Variants in RHBDL3 observed in about 807,000 individuals in gnomAD.
RHBDL3 encodes the protein rhomboid like 3.
Under a neutral mutation model 48.2 loss-of-function variants are expected in RHBDL3, and 28 were observed. That is an observed-to-expected ratio of 0.58 (90% confidence interval 0.43 to 0.80). The LOEUF is 0.80. Ranked by LOEUF, RHBDL3 falls within the 30% of genes least tolerant of loss-of-function variation. The probability of loss-of-function intolerance (pLI) is 0.00; values close to 1 mark genes in which losing one functional copy is unlikely to be tolerated. For missense variants in RHBDL3, 464 were observed against 542.7 expected (o/e 0.85, Z 1.44); for synonymous variants, 208 against 232.3 (o/e 0.90, Z 0.95).
Position 32,271,454 on chromosome 17 carries a change from G to A in RHBDL3, c.135+3529G>A, listed in dbSNP as rs144125936. Reference sequence around the variant, plus strand: ...GTTTCTGAAAAGCTTCCCTTTTTCGGGTTATGCTTTGATAGTCTTATTCTC... The same window carrying A: ...GTTTCTGAAAAGCTTCCCTTTTTCGAGTTATGCTTTGATAGTCTTATTCTC... On this transcript the variant is annotated intron_variant, in intron 2 of 8. Transcript: ENST00000269051. Among the ~76,000 whole-genome samples, 6 of 152,184 alleles carry A rather than the reference G, an allele frequency of 3.9e-5. No individual in the cohort carries two copies. The East Asian group carries it at 7.7e-4, about 20-fold the overall frequency.
intron 7 of RHBDL3, among the ~76,000 whole-genome samples, chr17:32,307,535 A>G (rs2040740009): frequency 6.6e-6 from 1 of 152,130 alleles, no homozygotes; most frequent in African/African-American, 2.4e-5. Context: ...GAGGGAGGGG[A>G]AAAGAAAGGA....
intron 7 of RHBDL3, among the ~76,000 whole-genome samples, chr17:32,313,714 G>T (rs1308800271): frequency 1.4e-5 from 2 of 141,190 alleles, no homozygotes; most frequent in African/African-American, 2.6e-5. Flanking sequence ...GGTCCTCCAG[G>T]TTTATTCATG....
At chr17:32,274,978 C>T (rs2039861450) in intron 2 of RHBDL3, among the ~76,000 whole-genome samples, 1 of 152,146 alleles carries the variant, frequency 6.6e-6, no homozygotes, top group Non-Finnish European at 1.5e-5. Context: ...CACCCTTTAT[C>T]CTTCCAGCCC....
intron 8 of RHBDL3, among the ~76,000 whole-genome samples, chr17:32,318,914 T>TG (rs2041039836): frequency 6.6e-6 from 1 of 152,144 alleles, no homozygotes; most frequent in Non-Finnish European, 1.5e-5. Flanking sequence ...CCTGACCCTC[T>TG]GTGGGTCTCT....
intron 8 of RHBDL3, among the ~76,000 whole-genome samples, chr17:32,317,987 T>G (rs1936279341): frequency 6.6e-6 from 1 of 150,802 alleles, no homozygotes; most frequent in African/African-American, 2.4e-5. Flanking sequence ...GGTGGGAGGA[T>G]CGCTTGAGCC....
Position 32,284,739 on chromosome 17 carries a change from G to C in RHBDL3, c.216G>C (p.Pro72=). 1.9e-6 allele frequency: 3 copies of C among 1,613,910 alleles called. No homozygotes were observed. The highest frequency in any genetic ancestry group is 2.5e-6 in the Non-Finnish European group (3 of 1,179,822). Residue 72 remains proline (P), a synonymous_variant, in exon 3 of 9, where the codon CCG becomes CCC. Coordinates refer to ENST00000269051, the MANE Select transcript of RHBDL3 (RefSeq NM_138328.3). ...AGAGCCACAGCTCCAAGCTGGACCC[G>C]CACAAAAGGGAGGTCCTCCTGGCTC... ...LLESHSSKLD[P]HKREVLLALA... is the part of the protein sequence containing the mutation.
chr17:32,288,311 A>C, intron 3 of RHBDL3: 1 of 159,490 alleles, frequency 6.3e-6, no homozygotes, highest in Middle Eastern at 3.2e-3. Context: ...CATCACTCTG[A>C]ACTGTGATTG....
intron 7 of RHBDL3, among the ~76,000 whole-genome samples, chr17:32,314,624 G>T (rs558241343): frequency 2.6e-5 from 4 of 152,184 alleles, no homozygotes; most frequent in Non-Finnish European, 4.4e-5. Flanking sequence ...ACCCCATCAC[G>T]TGGGCTGGAG....
intron 4 of RHBDL3, 126 bp downstream of exon 4, chr17:32,289,142 G>T (rs535986169): frequency 4.5e-5 from 33 of 729,482 alleles, no homozygotes; most frequent in Non-Finnish European, 7.4e-5. Context: ...GAAGGGCAAT[G>T]GTTGAGGATC....
Position 32,321,430 on chromosome 17 carries a change from G to A in RHBDL3, c.*201G>A. On this transcript the variant is annotated 3_prime_UTR_variant, in exon 9 of 9. Transcript: ENST00000269051. ...GGCATCTGGCGGAGGAGTTGATGTG[G>A]CTGCTGTCGTTTTTCTCGGCTGCTC... 1 of 1,474,604 alleles carries A rather than the reference G, an allele frequency of 6.8e-7. No homozygotes were observed. Among genetic ancestry groups the A allele is most frequent in the Non-Finnish European group, 9.1e-7 (1 of 1,100,476 alleles). 91.3% of individuals were successfully genotyped at this position (1,474,604 alleles called of 1,614,324 possible).
intron 8 of RHBDL3, among the ~76,000 whole-genome samples, chr17:32,319,548 G>T (rs959431057): frequency 6.6e-6 from 1 of 152,120 alleles, no homozygotes; most frequent in African/African-American, 2.4e-5. Context: ...GCCAAGGCTG[G>T]AAGGCTGTCC....
chr17:32,320,782 C>T (rs142640014), intron 8 of RHBDL3, among the ~76,000 whole-genome samples, 176 bp from the exon 9 acceptor site: 3 of 152,204 alleles, frequency 2.0e-5, no homozygotes, highest in Admixed American at 2.0e-4. Context: ...TATTGCTAGA[C>T]CCTGTAAGCT....
intron 6 of RHBDL3, among the ~76,000 whole-genome samples, chr17:32,301,289 C>T (rs569667182): frequency 4.0e-5 from 6 of 151,706 alleles, no homozygotes; most frequent in East Asian, 2.0e-4. Flanking sequence ...TATCTTGGGC[C>T]GGGCAAAGTG....
chr17:32,280,954 G>C (rs2040027796), intron 2 of RHBDL3: 1 of 152,892 alleles, frequency 6.5e-6, no homozygotes, highest in East Asian at 1.9e-4. Flanking sequence ...GGGGTTGAAA[G>C]GTGTCCTGTG....
intron 7 of RHBDL3, among the ~76,000 whole-genome samples, chr17:32,305,810 C>T (rs1254447597): frequency 6.6e-6 from 1 of 150,426 alleles, no homozygotes; most frequent in Non-Finnish European, 1.5e-5. Context: ...CCCAGCTACT[C>T]GGGAGGCTGA....
chr17:32,320,830 G>C (rs2041110759), intron 8 of RHBDL3, 128 bp from the exon 9 acceptor site: 2 of 669,248 alleles, frequency 3.0e-6, no homozygotes, highest in African/African-American at 1.8e-5. Flanking sequence ...CTTCACTACT[G>C]TGTCCCCAGT....
intron 5 of RHBDL3, among the ~76,000 whole-genome samples, chr17:32,294,911 A>T (rs17805538): frequency 9.9e-5 from 15 of 152,062 alleles, no homozygotes; most frequent in African/African-American, 3.6e-4. Context: ...TGTTTATAGA[A>T]CCCTGTAGCC....
intron 6 of RHBDL3, 110 bp from the exon 7 acceptor site, chr17:32,305,231 C>G (rs900099559): frequency 1.4e-6 from 1 of 732,038 alleles, no homozygotes; most frequent in Non-Finnish European, 2.5e-6. Context: ...AGAGGTGGAG[C>G]GTCTTGCTCT....
intron 7 of RHBDL3, among the ~76,000 whole-genome samples, chr17:32,311,660 G>C (rs2040849974): frequency 6.6e-6 from 1 of 152,160 alleles, no homozygotes; most frequent in South Asian, 2.1e-4. Flanking sequence ...GGTCCAGGCA[G>C]ATGTTGTAAA....
Sources: allele counts gnomAD v4.1 joint callset (sites outside exome capture counted in the v4.1 genomes callset), GRCh38; gene constraint gnomAD v4.1.1; transcripts MANE v1.5; gene names NCBI Gene and HGNC (gene_info 2026-07-23, HGNC 2026-07-21).